The following CTNNA3 variants were observed in gnomAD, a reference collection of about 807,000 sequenced individuals.
The protein encoded by CTNNA3 is catenin alpha 3.
In CTNNA3, 76 loss-of-function variants were observed where a neutral mutation model predicts 95.7. The observed-to-expected ratio is 0.79, with a 90% CI of 0.66 to 0.96. CTNNA3 has a LOEUF of 0.96. Ranked by LOEUF, CTNNA3 falls within the 40% of genes least tolerant of loss-of-function variation. The pLI is 0.00. For missense variants in CTNNA3, 1,191 were observed against 1,089.8 expected (o/e 1.09, Z -1.31); for synonymous variants, 431 against 374.4 (o/e 1.15, Z -1.74).
intron 10 of CTNNA3, among the ~76,000 whole-genome samples, chr10:66,529,267 TAC>T (rs1841375036): frequency 1.3e-5 from 2 of 152,074 alleles, no homozygotes; most frequent in Non-Finnish European, 2.9e-5. Flanking sequence ...TAGCTGAGAT[TAC>T]AGATGTGTGC....
chr10:67,443,922 G>A (rs939269797), intron 5 of CTNNA3, among the ~76,000 whole-genome samples: 97 of 152,044 alleles, frequency 6.4e-4, no homozygotes, highest in Admixed American at 1.9e-3. Flanking sequence ...GGGTTTTTAT[G>A]GTTTTAGGTC....
intron 5 of CTNNA3, among the ~76,000 whole-genome samples, chr10:67,458,841 CAT>C (rs1490641464): frequency 6.6e-6 from 1 of 152,154 alleles, no homozygotes; most frequent in East Asian, 1.9e-4. Flanking sequence ...CCTCGCTTAA[CAT>C]GTGGGGATTA....
intron 11 of CTNNA3, among the ~76,000 whole-genome samples, chr10:66,422,063 T>A (rs2093200587): frequency 6.6e-6 from 1 of 151,980 alleles, no homozygotes; most frequent in South Asian, 2.1e-4. Context: ...AGTCTTGACT[T>A]CATACAGTCT....
chr10:67,436,747 G>A (rs1471042862), intron 5 of CTNNA3, among the ~76,000 whole-genome samples: 2 of 152,132 alleles, frequency 1.3e-5, no homozygotes, highest in Non-Finnish European at 2.9e-5. Context: ...AATTATCAGG[G>A]AAATGCAAAT....
intron 11 of CTNNA3, among the ~76,000 whole-genome samples, chr10:66,417,607 A>G (rs2093157916): frequency 6.6e-6 from 1 of 152,094 alleles, no homozygotes; most frequent in Non-Finnish European, 1.5e-5. Flanking sequence ...AATATTCTCT[A>G]GAACAGACCA....
intron 15 of CTNNA3, among the ~76,000 whole-genome samples, chr10:66,018,216 A>ACACACACACACACC (rs1439906585): frequency 6.6e-6 from 1 of 151,828 alleles, no homozygotes; most frequent in Non-Finnish European, 1.5e-5. Context: ...ACACACACAC[A>ACACACACACACACC]CACTATTTTA....
At chr10:66,485,604 A>G (rs1839698599) in intron 11 of CTNNA3, among the ~76,000 whole-genome samples, 2 of 152,162 alleles carry the variant, frequency 1.3e-5, no homozygotes, top group Admixed American at 1.3e-4. Context: ...GACACAAATA[A>G]ATGGAAATAT....
intron 14 of CTNNA3, among the ~76,000 whole-genome samples, chr10:66,073,242 T>C (rs532701330): frequency 6.6e-6 from 1 of 152,300 alleles, no homozygotes; most frequent in South Asian, 2.1e-4. Context: ...GTAAATTGTA[T>C]TCTTGAAACA....
At chr10:65,922,016 A>G (rs1486858315) in intron 17 of CTNNA3, among the ~76,000 whole-genome samples, 2 of 152,150 alleles carry the variant, frequency 1.3e-5, no homozygotes, top group Non-Finnish European at 2.9e-5. Context: ...TCTTCATTTT[A>G]TGGATGAAGA....
chr10:66,549,781 T>C (rs907677071), intron 10 of CTNNA3, among the ~76,000 whole-genome samples: 3 of 152,196 alleles, frequency 2.0e-5, no homozygotes, highest in African/African-American at 7.2e-5. Flanking sequence ...ATATTGGGTG[T>C]TTTCTTAGAT....
At chr10:66,854,734 GA>G (rs1843623895) in intron 7 of CTNNA3, among the ~76,000 whole-genome samples, 1 of 135,920 alleles carries the variant, frequency 7.4e-6, no homozygotes, top group South Asian at 2.3e-4. Flanking sequence ...GGGTAAAGAA[GA>G]AAATGTCATT....
chr10:66,607,905 T>C (rs1844186658), intron 10 of CTNNA3, among the ~76,000 whole-genome samples: 1 of 152,130 alleles, frequency 6.6e-6, no homozygotes, highest in African/African-American at 2.4e-5. Flanking sequence ...GGATGCTCTG[T>C]CTCACCATTC....
In CTNNA3 at chr10:66,926,170, G is replaced by A. The variant is rs748900350; in HGVS notation, c.1048-150646C>T. On this transcript the variant is annotated intron_variant, in intron 7 of 17. Transcript: ENST00000433211. The stretch of plus-strand genomic sequence containing the variant: ...GGGTGCTCATCACGGGAACTGCTGG[G>A]GTATGGAATACAGATGTGGCAGCTC... The A allele has an allele frequency of 1.3e-5, 6 of 464,716 alleles. 1 individual carries two copies. Among genetic ancestry groups the A allele is most frequent in the South Asian group, 9.3e-5 (6 of 64,588 alleles). The allele number at this position is 464,716 out of a possible 1,614,324, so 28.8% of individuals were successfully genotyped here. A position where few individuals can be genotyped will look rare whatever the true frequency, so the allele number is the denominator to read the frequency against.
intron 7 of CTNNA3, among the ~76,000 whole-genome samples, chr10:66,993,931 G>T (rs542033362): frequency 1.9e-4 from 29 of 152,078 alleles, no homozygotes; most frequent in Non-Finnish European, 2.9e-4. Flanking sequence ...AAGCTCTTTG[G>T]GCAAATGTTT....
At chr10:67,091,967 T>C (rs1857670368) in intron 7 of CTNNA3, among the ~76,000 whole-genome samples, 1 of 151,986 alleles carries the variant, frequency 6.6e-6, no homozygotes, top group South Asian at 2.1e-4. Context: ...TTATTTTATA[T>C]GTTAGTAGGT....
chr10:67,538,157 TAAAAAA>T (rs1176919938), intron 4 of CTNNA3, among the ~76,000 whole-genome samples: 2 of 59,174 alleles, frequency 3.4e-5, no homozygotes, highest in South Asian at 5.1e-4. Flanking sequence ...CTACTTAAAC[TAAAAAA>T]AAAAAAAAAA....
chr10:66,713,033 T>C (rs547283276), intron 9 of CTNNA3, among the ~76,000 whole-genome samples: 1 of 152,106 alleles, frequency 6.6e-6, no homozygotes, highest in East Asian at 1.9e-4. Flanking sequence ...AAGTAAGGGG[T>C]CCTCTTATGC....
At chr10:66,677,011 T>C (rs1425678152) in intron 9 of CTNNA3, among the ~76,000 whole-genome samples, 4 of 151,966 alleles carry the variant, frequency 2.6e-5, no homozygotes, top group African/African-American at 9.7e-5. Context: ...AGAAATGGGG[T>C]ATTTGGAAGT....
chr10:66,300,136 C>G (rs752647763), intron 12 of CTNNA3, among the ~76,000 whole-genome samples: 1 of 152,054 alleles, frequency 6.6e-6, no homozygotes, highest in Non-Finnish European at 1.5e-5. Context: ...TCGTGATTCA[C>G]CTGCCTCAGC....
Sources: allele counts gnomAD v4.1 joint callset (sites outside exome capture counted in the v4.1 genomes callset), GRCh38; gene constraint gnomAD v4.1.1; transcripts MANE v1.5; gene names NCBI Gene and HGNC (gene_info 2026-07-23, HGNC 2026-07-21).